Variants in ARHGEF7 observed in about 807,000 individuals in gnomAD.
The protein encoded by ARHGEF7 is Rho guanine nucleotide exchange factor 7, also known as PAK-interacting exchange factor beta.
ARHGEF7 carries 33 observed loss-of-function variants against 109.8 expected under a neutral mutation model. That is an observed-to-expected ratio of 0.30 (90% CI 0.23 to 0.40). The LOEUF is 0.40. Ranked by LOEUF, ARHGEF7 falls within the 10% of genes least tolerant of loss-of-function variation. The probability of loss-of-function intolerance (pLI) is 1.00; values close to 1 mark genes in which losing one functional copy is unlikely to be tolerated. For synonymous variants in ARHGEF7, 458 were observed against 424.6 expected (o/e 1.08, Z -0.97); for missense variants, 938 against 1,098.5 (o/e 0.85, Z 2.07).
chr13:111,241,197 G>A (rs1294565541), intron 6 of ARHGEF7: 1 of 1,536,004 alleles, frequency 6.5e-7, no homozygotes, highest in Non-Finnish European at 8.7e-7. Flanking sequence ...GGTCGTAAAA[G>A]CTGCCTTTTC....
intron 4 of ARHGEF7, among the ~76,000 whole-genome samples, chr13:111,214,058 A>G (rs2082821691): frequency 1.3e-5 from 2 of 152,186 alleles, no homozygotes; most frequent in African/African-American, 4.8e-5. Context: ...TTTCACCTGG[A>G]TACCTGGATC....
Position 111,159,086 on chromosome 13 carries a change from T to C in ARHGEF7, c.252+5095T>C, listed in dbSNP as rs567150373. 20 of 718,064 alleles carry C rather than the reference T, an allele frequency of 2.8e-5. No homozygotes were observed. In the East Asian group the frequency reaches 3.8e-4, roughly 13 times the overall value. The allele number at this position is 718,064 out of a possible 1,614,324, so 44.5% of individuals were successfully genotyped here. A position where few individuals can be genotyped will look rare whatever the true frequency, so the allele number is the denominator to read the frequency against. On this transcript the variant is annotated intron_variant, in intron 2 of 21. Coordinates refer to ENST00000646102, the MANE Select transcript of ARHGEF7 (RefSeq NM_001354046.2). The stretch of plus-strand genomic sequence containing the variant: ...TGGTAACCACCATTCTCTTGTCTGC[T>C]TCTGTGAGTTCAGCTTTTTTACACT...
intron 2 of ARHGEF7, chr13:111,182,764 T>A (rs576889880): frequency 2.0e-5 from 3 of 152,246 alleles, no homozygotes; most frequent in African/African-American, 7.2e-5. Flanking sequence ...CATACAGATA[T>A]GGTTCGTCAT....
intron 1 of ARHGEF7, among the ~76,000 whole-genome samples, chr13:111,142,857 T>C (rs1315162169): frequency 6.6e-6 from 1 of 152,270 alleles, no homozygotes; most frequent in African/African-American, 2.4e-5. Flanking sequence ...AAACAGTTTC[T>C]TCCTAGGTGG....
chr13:111,288,237 G>GATTTTCTT, intron 17 of ARHGEF7, 117 bp from the exon 18 acceptor site: 1 of 489,488 alleles, frequency 2.0e-6, no homozygotes. Context: ...AGAAAATCAA[G>GATTTTCTT]GGCAGATTAT....
chr13:111,165,108 G>C (rs536951674), intron 2 of ARHGEF7, among the ~76,000 whole-genome samples: 20 of 152,258 alleles, frequency 1.3e-4, no homozygotes, highest in African/African-American at 4.8e-4. Flanking sequence ...CCTCTCCAAG[G>C]AATTGGAGAG....
intron 5 of ARHGEF7, among the ~76,000 whole-genome samples, chr13:111,224,814 G>C (rs1303428182): frequency 6.6e-6 from 1 of 152,118 alleles, no homozygotes; most frequent in East Asian, 1.9e-4. Context: ...GCCTTCCTTC[G>C]TGCCACTGGA....
At chr13:111,164,310 A>G (rs1566676062) in intron 2 of ARHGEF7, among the ~76,000 whole-genome samples, 1 of 152,182 alleles carries the variant, frequency 6.6e-6, no homozygotes, top group Non-Finnish European at 1.5e-5. Flanking sequence ...CATCCACTCC[A>G]CTGGCTGGGT....
intron 6 of ARHGEF7, among the ~76,000 whole-genome samples, chr13:111,241,881 C>G (rs149177207): frequency 1.3e-5 from 2 of 152,164 alleles, no homozygotes; most frequent in Non-Finnish European, 2.9e-5. Flanking sequence ...TTTTCTGATA[C>G]GTCTGTGACA....
chr13:111,295,325 G>T, intron 19 of ARHGEF7: 7 of 437,108 alleles, frequency 1.6e-5, no homozygotes, highest in Non-Finnish European at 2.1e-5. Context: ...CCTTCTGTCT[G>T]CCCTGATAGA....
intron 19 of ARHGEF7, chr13:111,292,972 T>C (rs1183713610): frequency 3.0e-6 from 3 of 985,430 alleles, no homozygotes; most frequent in South Asian, 4.7e-5. Context: ...GTGTGCTGCG[T>C]TGTGGCCGTG....
intron 19 of ARHGEF7, chr13:111,295,154 A>G (rs954850731): frequency 2.1e-5 from 21 of 985,576 alleles, no homozygotes; most frequent in Admixed American, 1.8e-4. Context: ...ATTAAAAAAA[A>G]CCTGTTATGT....
intron 1 of ARHGEF7, among the ~76,000 whole-genome samples, chr13:111,142,564 A>G (rs538394358): frequency 1.3e-5 from 2 of 152,142 alleles, no homozygotes; most frequent in Non-Finnish European, 2.9e-5. Context: ...GAAAGTCCCA[A>G]CTGGCCCATC....
intron 4 of ARHGEF7, among the ~76,000 whole-genome samples, chr13:111,210,442 C>T (rs2082357390): frequency 6.6e-6 from 1 of 152,168 alleles, no homozygotes; most frequent in Admixed American, 6.5e-5. Flanking sequence ...GCTTAGTGTG[C>T]TTTACTAAGT....
At chr13:111,127,668 AAAAAAGAAG>A (rs1486930700) in intron 1 of ARHGEF7, among the ~76,000 whole-genome samples, 1 of 149,646 alleles carries the variant, frequency 6.7e-6, no homozygotes, top group Non-Finnish European at 1.5e-5. Flanking sequence ...AAAAAAAAAA[AAAAAAGAAG>A]GAAGGAAGGA....
intron 1 of ARHGEF7, among the ~76,000 whole-genome samples, chr13:111,126,267 G>T (rs1398250218): frequency 6.6e-6 from 1 of 152,184 alleles, no homozygotes; most frequent in Non-Finnish European, 1.5e-5. Flanking sequence ...GAGGTAGGCG[G>T]ATCACCTGAG....
At chr13:111,298,245 G>A (rs2093469773) in intron 19 of ARHGEF7, among the ~76,000 whole-genome samples, 1 of 151,964 alleles carries the variant, frequency 6.6e-6, no homozygotes. Context: ...GTATCTTTTG[G>A]GCAAATAGCA....
At chr13:111,174,976 C>T (rs151225580) in intron 2 of ARHGEF7, among the ~76,000 whole-genome samples, 1 of 152,172 alleles carries the variant, frequency 6.6e-6, no homozygotes, top group Non-Finnish European at 1.5e-5. Context: ...GCTGTCTCCT[C>T]CTCAACCGTC....
At chr13:111,197,976 A>C (rs146721302) in intron 2 of ARHGEF7, among the ~76,000 whole-genome samples, 3,566 of 152,142 alleles carry the variant, frequency 0.023, 70 homozygotes, top group Middle Eastern at 0.11. Flanking sequence ...GGGCGACATA[A>C]CTTTGAGAGT....
Sources: allele counts gnomAD v4.1 joint callset (sites outside exome capture counted in the v4.1 genomes callset), GRCh38; gene constraint gnomAD v4.1.1; transcripts MANE v1.5; gene names NCBI Gene and HGNC (gene_info 2026-07-23, HGNC 2026-07-21).